The following SETX variants were observed in gnomAD, a reference collection of about 807,000 sequenced individuals.
The protein encoded by SETX is helicase senataxin.
SETX carries 90 observed loss-of-function variants against 227.2 expected under a neutral mutation model. That is an observed-to-expected ratio of 0.40 (90% CI 0.33 to 0.47). SETX has a LOEUF of 0.47. Among genes scored for constraint, SETX ranks in the 20% least tolerant of loss-of-function variants. SETX has a pLI of 0.91. For synonymous variants in SETX, 1,210 were observed against 1,113.2 expected (o/e 1.09, Z -1.73); for missense variants, 3,052 against 3,181.5 (o/e 0.96, Z 0.98).
chr9:132,311,104 C>T (rs1589700514), intron 11 of SETX, among the ~76,000 whole-genome samples: 1 of 152,066 alleles, frequency 6.6e-6, no homozygotes, highest in East Asian at 1.9e-4. Context: ...GTAGCAGGGA[C>T]TACAGGCACC....
At chr9:132,277,202 G>A (rs1238657850) in intron 21 of SETX, 50 bp from the exon 22 acceptor site, 1 of 1,543,086 alleles carries the variant, frequency 6.5e-7, no homozygotes, top group Non-Finnish European at 8.9e-7. Flanking sequence ...CAAGATTTAA[G>A]AAAATATCTT....
chr9:132,269,718 A>G lies in SETX; in HGVS notation c.7200-16T>C. Reference sequence around the variant, plus strand: ...TGCCAGGAATCTAGGCAATAAAAAAAGAGTTCCTTCTTTGTCTAGAATGAC... The same window carrying G: ...TGCCAGGAATCTAGGCAATAAAAAAGGAGTTCCTTCTTTGTCTAGAATGAC... On this transcript the variant is annotated splice_polypyrimidine_tract_variant and intron_variant, in intron 24 of 25. Coordinates refer to ENST00000224140, the MANE Select transcript of SETX (RefSeq NM_015046.7). The G allele has an allele frequency of 6.2e-7, 1 of 1,613,310 alleles. No individual in the cohort carries two copies. Among genetic ancestry groups the G allele is most frequent in the Non-Finnish European group, 8.5e-7 (1 of 1,179,268 alleles).
chr9:132,265,750 C>T (rs1842616345), intron 25 of SETX, among the ~76,000 whole-genome samples: 1 of 152,094 alleles, frequency 6.6e-6, no homozygotes, highest in South Asian at 2.1e-4. Context: ...GTCCTTTGGA[C>T]ATTGGTGATC....
At chr9:132,284,459 C>G (rs1843721384) in intron 18 of SETX, among the ~76,000 whole-genome samples, 1 of 152,172 alleles carries the variant, frequency 6.6e-6, no homozygotes, top group Admixed American at 6.5e-5. Flanking sequence ...GAGGAAACTT[C>G]AGCAAAAATA....
intron 19 of SETX, among the ~76,000 whole-genome samples, chr9:132,282,299 AT>A (rs148335455): frequency 0.044 from 6,177 of 139,434 alleles, 329 homozygotes; most frequent in African/African-American, 0.14. Flanking sequence ...TTTTTAACTT[AT>A]TTTTTTTTTT....
In SETX at chr9:132,330,269, G is replaced by A. The variant is rs1459135597; in HGVS notation, c.1329C>T (p.Val443=). The part of the protein sequence containing the change: ...VNHLYSEVKE[V]LNQTDAVCDK... ...CACACACAGCATCTGTTTGGTTGAG[G>A]ACTTCTTTGACTTCAGAGTACAGAT... The change falls in exon 10 of 26, where the codon GTC becomes GTT. Residue 443 remains valine (V), a synonymous_variant. Coordinates refer to ENST00000224140, the MANE Select transcript of SETX (RefSeq NM_015046.7). 2 of 1,583,014 alleles carry A rather than the reference G, an allele frequency of 1.3e-6. No individual in the cohort carries two copies. The highest frequency in any genetic ancestry group is 2.2e-5 in the East Asian group (1 of 44,554).
chr9:132,355,989 G>GAGAA (rs1554725891), upstream of SETX, among the ~76,000 whole-genome samples: 3 of 85,168 alleles, frequency 3.5e-5, no homozygotes, highest in African/African-American at 1.4e-4. Context: ...TCTCTCTCCG[G>GAGAA]AAAAAAAAAA....
chr9:132,339,973 T>A (rs1452120027), intron 5 of SETX, among the ~76,000 whole-genome samples: 1 of 152,158 alleles, frequency 6.6e-6, no homozygotes, highest in African/African-American at 2.4e-5. Flanking sequence ...ACGTCTTACA[T>A]CTTTGTTAAC....
chr9:132,309,600 G>A (rs544087138), intron 11 of SETX, among the ~76,000 whole-genome samples: 1 of 152,214 alleles, frequency 6.6e-6, no homozygotes, highest in African/African-American at 2.4e-5. Flanking sequence ...CACTTCAGAA[G>A]GCTGATGACA....
intron 22 of SETX, 99 bp downstream of exon 22, chr9:132,276,961 A>G: frequency 9.8e-7 from 1 of 1,021,424 alleles, no homozygotes; most frequent in Non-Finnish European, 1.5e-6. Context: ...GACACTAGGC[A>G]GAGAGATGTG....
chr9:132,317,540 C>T (rs1454116433), intron 10 of SETX, among the ~76,000 whole-genome samples: 2 of 152,040 alleles, frequency 1.3e-5, no homozygotes, highest in Non-Finnish European at 2.9e-5. Context: ...TGTCTTTGCC[C>T]CTCTGAATTG....
chr9:132,337,706 G>A (rs1847712270), intron 5 of SETX, among the ~76,000 whole-genome samples: 2 of 152,302 alleles, frequency 1.3e-5, no homozygotes, highest in Middle Eastern at 3.4e-3. Context: ...AAAGACTCTT[G>A]ATTACTGTAC....
At chr9:132,292,415 CAAAAAA>C (rs60253119) in intron 15 of SETX, among the ~76,000 whole-genome samples, 159 of 61,074 alleles carry the variant, frequency 2.6e-3, no homozygotes, top group African/African-American at 6.0e-3. Context: ...AGCTGGGGTA[CAAAAAA>C]AAAAAAAAAA....
At chr9:132,269,243 C>T (rs1564468629) in intron 25 of SETX, among the ~76,000 whole-genome samples, 3 of 152,238 alleles carry the variant, frequency 2.0e-5, no homozygotes, top group Admixed American at 2.0e-4. Flanking sequence ...GAGCACGCGC[C>T]TGCAAACTCT....
chr9:132,300,389 AAC>A (rs1844920113), intron 12 of SETX, among the ~76,000 whole-genome samples: 1 of 152,196 alleles, frequency 6.6e-6, no homozygotes, highest in African/African-American at 2.4e-5. Context: ...TTTTATAGCA[AAC>A]ACAATGATGG....
At chr9:132,285,709 A>G (rs12346766) in intron 18 of SETX, among the ~76,000 whole-genome samples, 45,489 of 150,796 alleles carry the variant, frequency 0.3, 10,024 homozygotes, top group East Asian at 0.67. Context: ...GTGAAACCCC[A>G]TCTCTACTAA....
At chr9:132,344,559 T>C (rs1444431284) in intron 4 of SETX, among the ~76,000 whole-genome samples, 2 of 152,184 alleles carry the variant, frequency 1.3e-5, no homozygotes, top group African/African-American at 2.4e-5. Context: ...TGGGAAAATA[T>C]GAAAATGAAC....
At chr9:132,273,167 T>G (rs985788115) in intron 23 of SETX, among the ~76,000 whole-genome samples, 1 of 152,110 alleles carries the variant, frequency 6.6e-6, no homozygotes, top group Non-Finnish European at 1.5e-5. Flanking sequence ...TTAGGTGGTT[T>G]TTTTTTTGTT....
At chr9:132,280,371 T>C (rs1435632809) in intron 20 of SETX, among the ~76,000 whole-genome samples, 6 of 152,188 alleles carry the variant, frequency 3.9e-5, no homozygotes, top group Non-Finnish European at 4.4e-5. Flanking sequence ...CTTTTCACTA[T>C]ATGCCAAGGC....
Sources: gnomAD v4.1 joint callset for allele counts (sites outside exome capture counted in the v4.1 genomes callset) on GRCh38, gnomAD v4.1.1 for gene constraint, MANE v1.5 for transcripts, NCBI Gene and HGNC (gene_info 2026-07-23, HGNC 2026-07-21) for gene names.